Variants in GRIK1 observed in about 807,000 individuals in gnomAD.
The protein encoded by GRIK1 is glutamate ionotropic receptor kainate type subunit 1, also known as glutamate receptor ionotropic, kainate 1.
A neutral mutation model predicts 105.7 loss-of-function variants in GRIK1; 69 were observed. The ratio of observed to expected loss-of-function variants is 0.65; its 90% CI spans 0.54 to 0.80. The LOEUF is 0.80. Among genes scored for constraint, GRIK1 ranks in the 30% least tolerant of loss-of-function variants. GRIK1 has a pLI of 0.00. For missense variants in GRIK1, 1,109 were observed against 1,167.3 expected (o/e 0.95, Z 0.73); for synonymous variants, 438 against 431.3 (o/e 1.02, Z -0.19).
intron 1 of GRIK1, among the ~76,000 whole-genome samples, chr21:29,898,580 G>A (rs2070264481): frequency 6.6e-6 from 1 of 152,186 alleles, no homozygotes; most frequent in Admixed American, 6.5e-5. Context: ...TTAAAAATTA[G>A]TATGTTTGGT....
intron 1 of GRIK1, among the ~76,000 whole-genome samples, chr21:29,926,303 C>T (rs183690305): frequency 6.6e-6 from 1 of 152,164 alleles, no homozygotes; most frequent in Non-Finnish European, 1.5e-5. Context: ...AACGGGCACC[C>T]TGATTTAAAG....
chr21:29,593,719 T>C (rs1223572773), intron 9 of GRIK1, among the ~76,000 whole-genome samples: 1 of 152,204 alleles, frequency 6.6e-6, no homozygotes, highest in African/African-American at 2.4e-5. Flanking sequence ...TAGGATGTGG[T>C]CTCTTTAAAT....
intron 1 of GRIK1, among the ~76,000 whole-genome samples, chr21:29,759,737 C>T (rs144538406): frequency 2.8e-3 from 424 of 152,248 alleles, no homozygotes; most frequent in African/African-American, 9.5e-3. Context: ...GAATGCATTT[C>T]GTTAGCTCTA....
In GRIK1 at chr21:29,939,690, T is replaced by C. The variant is rs1402400408; in HGVS notation, c.-190A>G. 3 of 509,964 alleles carry C rather than the reference T, an allele frequency of 5.9e-6. No homozygotes were observed. The highest frequency in any genetic ancestry group is 1.0e-5 in the Non-Finnish European group (3 of 291,296). The allele number at this position is 509,964 out of a possible 1,614,324, so 31.6% of individuals were successfully genotyped here. A position where few individuals can be genotyped will look rare whatever the true frequency, so the allele number is the denominator to read the frequency against. On this transcript the variant is annotated 5_prime_UTR_variant, in exon 1 of 18. Transcript: ENST00000327783. ...GGAGCTGGCTGGCAAGGCTGAGCTCTCTCGGGGCTCCTCAGTGCTGTCGCT... is the reference window on the plus strand; with the variant it reads ...GGAGCTGGCTGGCAAGGCTGAGCTCCCTCGGGGCTCCTCAGTGCTGTCGCT...
At chr21:29,676,688 C>G (rs1407881876) in intron 3 of GRIK1, among the ~76,000 whole-genome samples, 1 of 151,990 alleles carries the variant, frequency 6.6e-6, no homozygotes, top group East Asian at 1.9e-4. Flanking sequence ...TTCTAGCCCA[C>G]TGAGATGGAG....
At chr21:29,701,705 G>T (rs1272113057) in intron 1 of GRIK1, among the ~76,000 whole-genome samples, 1 of 152,180 alleles carries the variant, frequency 6.6e-6, no homozygotes, top group African/African-American at 2.4e-5. Flanking sequence ...AGCACAGGGA[G>T]ATCTGCCCTT....
rs190228515 is a variant in GRIK1, at chr21:29,668,063, A to G, written c.726+4920T>C. On this transcript the variant is annotated intron_variant, in intron 4 of 17. Coordinates refer to ENST00000327783, the MANE Select transcript of GRIK1 (RefSeq NM_001330994.2). ...GAAAATATGACTTTGGGGATGATTT[A>G]CTGAAAGAATCTAGAACAGTTCTTG... is the stretch of plus-strand genomic sequence containing the variant. Among the ~76,000 whole-genome samples, 19 of 152,344 alleles carry G rather than the reference A, an allele frequency of 1.2e-4. 1 individual carries two copies. The East Asian group carries it at 3.5e-3, about 28-fold the overall frequency.
chr21:29,606,634 G>A (rs188099699), intron 7 of GRIK1, among the ~76,000 whole-genome samples: 312 of 152,028 alleles, frequency 2.1e-3, no homozygotes, highest in Middle Eastern at 0.014. Context: ...CCAATGTTAT[G>A]GGCCATTTAA....
At chr21:29,619,505 G>C (rs543820386) in intron 7 of GRIK1, among the ~76,000 whole-genome samples, 11 of 151,998 alleles carry the variant, frequency 7.2e-5, no homozygotes, top group Non-Finnish European at 1.3e-4. Context: ...GGGGGTGAGC[G>C]GTAAAATACT....
At chr21:29,680,462 T>G (rs2146675232) in intron 3 of GRIK1, among the ~76,000 whole-genome samples, 1 of 152,348 alleles carries the variant, frequency 6.6e-6, no homozygotes, top group South Asian at 2.1e-4. Context: ...ATCTGGCAGG[T>G]TGCCATATTT....
intron 3 of GRIK1, among the ~76,000 whole-genome samples, chr21:29,678,002 G>A (rs970988053): frequency 6.6e-6 from 1 of 152,124 alleles, no homozygotes; most frequent in African/African-American, 2.4e-5. Flanking sequence ...CAAAAGAAAA[G>A]TACCTAGGTT....
chr21:29,624,661 T>C (rs919589501), intron 7 of GRIK1, among the ~76,000 whole-genome samples: 4 of 152,238 alleles, frequency 2.6e-5, no homozygotes, highest in Non-Finnish European at 5.9e-5. Flanking sequence ...TGAGTGATTC[T>C]TCTTAAGCTG....
At chr21:29,934,751 T>C (rs2243436) in intron 1 of GRIK1, among the ~76,000 whole-genome samples, 103,892 of 152,006 alleles carry the variant, frequency 0.68, 35,728 homozygotes, top group East Asian at 0.83. Context: ...GCAAAGTCAC[T>C]ATCTCAATGA....
At chr21:29,739,977 C>T (rs2064885829) in intron 1 of GRIK1, among the ~76,000 whole-genome samples, 1 of 152,178 alleles carries the variant, frequency 6.6e-6, no homozygotes, top group African/African-American at 2.4e-5. Flanking sequence ...TGCACATGCA[C>T]ACACATGCAC....
At chr21:29,799,813 C>T (rs1007789397) in intron 1 of GRIK1, among the ~76,000 whole-genome samples, 1 of 152,152 alleles carries the variant, frequency 6.6e-6, no homozygotes, top group Non-Finnish European at 1.5e-5. Context: ...GGATTATAGG[C>T]ATGACCCACA....
At chr21:29,674,254 T>A (rs967395350) in intron 3 of GRIK1, among the ~76,000 whole-genome samples, 1 of 144,406 alleles carries the variant, frequency 6.9e-6, no homozygotes, top group African/African-American at 2.9e-5. Context: ...GTTTTATTTA[T>A]GTAGCTATTT....
rs568648777 is a variant in GRIK1, at chr21:29,587,964, C to CTTTTTTTTTTTTTTTTTTT, written c.1570-394_1570-376dup. Among the ~76,000 whole-genome samples the CTTTTTTTTTTTTTTTTTTT allele has an allele frequency of 5.7e-4, 37 of 65,412 alleles. 6 individuals carry two copies. Among genetic ancestry groups the CTTTTTTTTTTTTTTTTTTT allele is most frequent in the East Asian group, 1.8e-3 (3 of 1,668 alleles). The allele number at this position is 65,412 out of a possible 152,430, so 42.9% of individuals were successfully genotyped here. A position where few individuals can be genotyped will look rare whatever the true frequency, so the allele number is the denominator to read the frequency against. On this transcript the variant is annotated intron_variant, in intron 11 of 17. Transcript: ENST00000327783. ...GCTCTGAGCTGAAAACTTTAAAATT[C>CTTTTTTTTTTTTTTTTTTT]TTTTTTTTTTTTTTTTTTTTTTTTT...
chr21:29,864,965 A>G (rs1225329310), intron 1 of GRIK1, among the ~76,000 whole-genome samples: 3 of 152,320 alleles, frequency 2.0e-5, no homozygotes, highest in African/African-American at 7.2e-5. Flanking sequence ...GCTGCTAAGC[A>G]TCCTACAACA....
intron 7 of GRIK1, among the ~76,000 whole-genome samples, chr21:29,635,490 T>C (rs2062378192): frequency 6.6e-6 from 1 of 152,180 alleles, no homozygotes; most frequent in African/African-American, 2.4e-5. Context: ...AGGGGGTCAC[T>C]CAAGAGAAGT....
Sources: allele counts gnomAD v4.1 joint callset (sites outside exome capture counted in the v4.1 genomes callset), GRCh38; gene constraint gnomAD v4.1.1; transcripts MANE v1.5; gene names NCBI Gene and HGNC (gene_info 2026-07-23, HGNC 2026-07-21).